The following GNG7 variants were observed in gnomAD, a reference collection of about 807,000 sequenced individuals.
GNG7 encodes the protein G protein subunit gamma 7.
In GNG7, 1 loss-of-function variant was observed where a neutral mutation model predicts 4.0. The ratio of observed to expected loss-of-function variants is 0.25; its 90% confidence interval spans 0.09 to 1.18. The LOEUF (loss-of-function observed/expected upper bound fraction) is 1.18, where lower values mean the gene tolerates loss of function less well. Among genes scored for constraint, GNG7 ranks in the 50% most tolerant of loss-of-function variants. The pLI is 0.50. For synonymous variants in GNG7, 34 were observed against 36.9 expected (o/e 0.92, Z 0.29); for missense variants, 86 against 91.9 (o/e 0.94, Z 0.26).
At chr19:2,545,491 A>AAAAATC (rs375556194) in intron 3 of GNG7, among the ~76,000 whole-genome samples, 1,727 of 151,494 alleles carry the variant, frequency 0.011, 43 homozygotes, top group African/African-American at 0.04. Flanking sequence ...CTACTAAAAA[A>AAAAATC]AAAATCAAAA....
At chr19:2,665,265 C>T (rs537170644) in intron 1 of GNG7, among the ~76,000 whole-genome samples, 68 of 152,058 alleles carry the variant, frequency 4.5e-4, no homozygotes, top group African/African-American at 7.7e-4. Context: ...CACTGCAGCA[C>T]GCTGAGCGGC....
intron 2 of GNG7, among the ~76,000 whole-genome samples, chr19:2,645,325 A>C (rs1982637198): frequency 6.8e-6 from 1 of 146,892 alleles, no homozygotes; most frequent in Non-Finnish European, 1.5e-5. Context: ...TGCAACCACC[A>C]TCTCCCAGGC....
intron 3 of GNG7, among the ~76,000 whole-genome samples, chr19:2,553,383 C>CATATATAT (rs200287140): frequency 0.037 from 4,709 of 127,490 alleles, 99 homozygotes; most frequent in African/African-American, 0.042. Flanking sequence ...TGGTGCTGAG[C>CATATATAT]ATATATATAT....
intron 2 of GNG7, among the ~76,000 whole-genome samples, chr19:2,563,724 T>C (rs1022351381): frequency 6.6e-6 from 1 of 151,838 alleles, no homozygotes; most frequent in Non-Finnish European, 1.5e-5. Flanking sequence ...TCAAGTGATC[T>C]GCCCACCTCG....
intron 3 of GNG7, among the ~76,000 whole-genome samples, chr19:2,542,532 G>A (rs1286330140): frequency 6.6e-6 from 1 of 152,180 alleles, no homozygotes; most frequent in Non-Finnish European, 1.5e-5. Context: ...GAATGAGCTG[G>A]GGACGACAAC....
chr19:2,522,541 G>A (rs973551719), intron 3 of GNG7, among the ~76,000 whole-genome samples: 2 of 151,960 alleles, frequency 1.3e-5, no homozygotes, highest in Admixed American at 6.6e-5. Context: ...TTGGGAGGCC[G>A]AGGCGGGCGG....
chr19:2,564,446 T>C (rs543614502), intron 2 of GNG7, among the ~76,000 whole-genome samples: 111 of 152,190 alleles, frequency 7.3e-4, no homozygotes, highest in Non-Finnish European at 1.2e-3. Flanking sequence ...CCAGGCATGG[T>C]GGCGTGCACC....
chr19:2,681,901 A>C (rs148511399), intron 1 of GNG7, among the ~76,000 whole-genome samples: 1 of 152,076 alleles, frequency 6.6e-6, no homozygotes, highest in East Asian at 1.9e-4. Flanking sequence ...AGTGAAACTG[A>C]TAGTTTCTGT....
chr19:2,591,725 C>A (rs781729111), intron 2 of GNG7, among the ~76,000 whole-genome samples: 2 of 152,058 alleles, frequency 1.3e-5, no homozygotes, highest in African/African-American at 4.8e-5. Flanking sequence ...TAGTGCCTGT[C>A]ATATGTAAAG....
At chr19:2,656,488 G>A (rs1303588146) in intron 1 of GNG7, among the ~76,000 whole-genome samples, 1 of 152,132 alleles carries the variant, frequency 6.6e-6, no homozygotes, top group Non-Finnish European at 1.5e-5. Flanking sequence ...TGTAGTCCCA[G>A]CTACTCAGGA....
At chr19:2,553,477 A>G (rs9676792) in intron 3 of GNG7, among the ~76,000 whole-genome samples, 2,501 of 146,936 alleles carry the variant, frequency 0.017, 65 homozygotes, top group African/African-American at 0.059. Context: ...TATATTATAT[A>G]CTATATATTA....
At chr19:2,607,845 AACG>A (rs1326190994) in intron 2 of GNG7, among the ~76,000 whole-genome samples, 1 of 152,076 alleles carries the variant, frequency 6.6e-6, no homozygotes, top group Non-Finnish European at 1.5e-5. Context: ...GGCGCTCACC[AACG>A]ACACGGCACG....
At chr19:2,599,213 C>T (rs952801816) in intron 2 of GNG7, among the ~76,000 whole-genome samples, 3 of 152,094 alleles carry the variant, frequency 2.0e-5, no homozygotes, top group African/African-American at 4.8e-5. Context: ...TTTGCTGTCC[C>T]GGGCTGACCT....
chr19:2,672,058 A>AT (rs1983468810), intron 1 of GNG7, among the ~76,000 whole-genome samples: 4 of 150,198 alleles, frequency 2.7e-5, no homozygotes, highest in African/African-American at 9.8e-5. Context: ...CTCAAAAAAA[A>AT]AAAAAAAAAA....
intron 2 of GNG7, among the ~76,000 whole-genome samples, chr19:2,575,457 G>A (rs981210106): frequency 2.6e-5 from 4 of 152,296 alleles, no homozygotes; most frequent in Admixed American, 6.5e-5. Context: ...TCCTCAGGGC[G>A]TGTGGACACG....
At chr19:2,631,979 C>A (rs78825130) in intron 2 of GNG7, 5,610 of 152,352 alleles carry the variant, frequency 0.037, 116 homozygotes, top group Middle Eastern at 0.088. Flanking sequence ...TTCAGGGCGT[C>A]TCCCCAAGAT....
intron 1 of GNG7, among the ~76,000 whole-genome samples, chr19:2,698,249 G>A (rs1445884896): frequency 2.1e-4 from 30 of 142,258 alleles, no homozygotes; most frequent in Non-Finnish European, 7.6e-5. Context: ...CCCGGGCAAC[G>A]GAATGAGACC....
At chr19:2,519,197 CTGGAGTGCAA>C (rs1190598247) in intron 4 of GNG7, among the ~76,000 whole-genome samples, 1 of 129,256 alleles carries the variant, frequency 7.7e-6, no homozygotes, top group Non-Finnish European at 1.6e-5. Context: ...GTTCCCCAGG[CTGGAGTGCAA>C]TGGTGCGATC....
intron 2 of GNG7, among the ~76,000 whole-genome samples, chr19:2,577,955 A>C (rs1483709372): frequency 6.7e-6 from 1 of 150,284 alleles, no homozygotes; most frequent in Non-Finnish European, 1.5e-5. Context: ...CTCCCACCTC[A>C]GCCCCTCGAG....
Sources: allele counts gnomAD v4.1 joint callset (sites outside exome capture counted in the v4.1 genomes callset), GRCh38; gene constraint gnomAD v4.1.1; transcripts MANE v1.5; gene names NCBI Gene and HGNC (gene_info 2026-07-23, HGNC 2026-07-21).